The following SLC26A4 variants were observed in gnomAD, a reference collection of about 807,000 sequenced individuals.
SLC26A4 encodes solute carrier family 26 member 4.
A neutral mutation model predicts 90.4 loss-of-function variants in SLC26A4; 93 were observed. That is an observed-to-expected ratio of 1.03 (90% CI 0.87 to 1.22). The LOEUF (loss-of-function observed/expected upper bound fraction) is 1.22. SLC26A4 is among the 50% of genes most tolerant of loss of function. The pLI is 0.00. For missense variants in SLC26A4, 1,127 were observed against 946.2 expected, an observed-to-expected ratio of 1.19 and a Z score of -2.51; for synonymous variants, 393 against 354.6, an observed-to-expected ratio of 1.11 and a Z score of -1.22.
At chr7:107,693,767 C>T (rs907068221) in intron 10 of SLC26A4, 1 of 972,712 alleles carries the variant, frequency 1.0e-6, no homozygotes, top group Admixed American at 5.2e-5. Flanking sequence ...TTTCAGGCTG[C>T]CTTGGGGCAA....
intron 18 of SLC26A4, among the ~76,000 whole-genome samples, chr7:107,709,146 C>T (rs1466527645): frequency 6.6e-6 from 1 of 152,166 alleles, no homozygotes; most frequent in Non-Finnish European, 1.5e-5. Flanking sequence ...ACAGGGAGCA[C>T]CACCACAGGA....
chr7:107,717,013 C>T lies in SLC26A4; in HGVS notation c.*1567C>T, dbSNP rs1037445530. On this transcript the variant is annotated 3_prime_UTR_variant, in exon 21 of 21. Coordinates refer to ENST00000644269, the MANE Select transcript of SLC26A4 (RefSeq NM_000441.2). The stretch of plus-strand genomic sequence containing the variant: ...AGCATAACTAGGATTATAATGCTGC[C>T]TCATTTTCACAGCACTACTTGCTTA... The T allele has an allele frequency of 2.0e-5, 3 of 152,078 alleles. No individual in the cohort carries two copies. The highest frequency in any genetic ancestry group is 4.4e-5 in the Non-Finnish European group (3 of 68,022). The allele number at this position is 152,078 out of a possible 1,614,324, so 9.4% of individuals were successfully genotyped here.
chr7:107,661,661 G>A lies in SLC26A4; in HGVS notation c.20G>A (p.Arg7Lys), dbSNP rs560264653. ...CAGGTCATGGCAGCGCCAGGCGGCAGGTCGGAGCCGCCGCAGCTCCCCGAG... is the reference window on the plus strand; with the variant it reads ...CAGGTCATGGCAGCGCCAGGCGGCAAGTCGGAGCCGCCGCAGCTCCCCGAG... MAAPGGRSEPPQLPEYS... is the reference protein window; with the variant it reads MAAPGGKSEPPQLPEYS... The change falls in exon 2 of 21, where the codon AGG becomes AAG. Residue 7 changes from arginine to lysine, a missense_variant. Transcript: ENST00000644269. The surrounding 1 kb of genome is among the most constrained non-coding windows in gnomAD (Gnocchi z 5.1). 1.4e-5 allele frequency: 22 copies of A among 1,568,370 alleles called. 1 individual carries two copies. Among genetic ancestry groups the A allele is most frequent in the Non-Finnish European group, 3.4e-6 (4 of 1,162,606 alleles).
At chr7:107,695,032 A>G (rs533536404) in intron 12 of SLC26A4, among the ~76,000 whole-genome samples, 2 of 152,342 alleles carry the variant, frequency 1.3e-5, no homozygotes, top group African/African-American at 4.8e-5. Flanking sequence ...CAAACAACAT[A>G]CAAAACAATG....
rs1453000207 is a variant in SLC26A4 at position 107,661,964 on chromosome 7, C to T, written c.164+159C>T. 1.3e-6 allele frequency: 1 copy of T among 748,710 alleles called. No individual in the cohort carries two copies. Among genetic ancestry groups the T allele is most frequent in the African/African-American group, 1.8e-5 (1 of 55,926 alleles). 46.4% of individuals were successfully genotyped at this position (748,710 alleles called of 1,614,324 possible). On this transcript the variant is annotated intron_variant, in intron 2 of 20. Coordinates refer to ENST00000644269, the MANE Select transcript of SLC26A4 (RefSeq NM_000441.2). This position sits in a 1 kb window ranked among gnomAD's most constrained non-coding sequence, Gnocchi z 5.1. ...GGCCCGACTTTCGGTCTCCGGTCCT[C>T]CACGCCGCCCTTCTGGTGGGAGGGT...
chr7:107,710,313 C>T (rs1159448075), intron 19 of SLC26A4, 114 bp downstream of exon 19: 1 of 776,030 alleles, frequency 1.3e-6, no homozygotes, highest in Non-Finnish European at 2.2e-6. Context: ...ACCTATATAA[C>T]TTCATGGAGC....
intron 10 of SLC26A4, chr7:107,693,220 C>T (rs763921285): frequency 9.7e-6 from 8 of 827,214 alleles, no homozygotes; most frequent in Non-Finnish European, 1.0e-5. Context: ...TCTGCTTAGT[C>T]AGGAGAAGGG....
intron 18 of SLC26A4, 35 bp from the exon 19 acceptor site, chr7:107,710,019 A>C (rs201072499): frequency 6.3e-7 from 1 of 1,597,698 alleles, no homozygotes; most frequent in African/African-American, 1.3e-5. Context: ...TTCTTTTCCT[A>C]GGAACTAACA....
chr7:107,712,499 T>C, intron 19 of SLC26A4, 40 bp from the exon 20 acceptor site: 2 of 1,015,856 alleles, frequency 2.0e-6, no homozygotes, highest in Non-Finnish European at 3.2e-6. Flanking sequence ...TCAGGTGGGT[T>C]GATGCTATTC....
intron 6 of SLC26A4, among the ~76,000 whole-genome samples, 176 bp downstream of exon 6, chr7:107,675,285 T>TAAA (rs60022317): frequency 1.8e-4 from 17 of 96,710 alleles, no homozygotes; most frequent in Non-Finnish European, 2.0e-4. Context: ...CCTCATCTCT[T>TAAA]AAAAAAAAAA....
rs748353957 is a variant in SLC26A4, at chr7:107,710,199, G to C, written c.2235G>C (p.Thr745=). Residue 745 remains threonine (T), a splice_region_variant and synonymous_variant, in exon 19 of 21, where the codon ACG becomes ACC. Transcript: ENST00000644269. The stretch of plus-strand genomic sequence containing the variant: ...AGGGTCAAGGTTCCATTTTAGAAAC[G>C]GTAAATATTCAACCTTTCTACAGAT... The part of the protein sequence containing the change: ...SQEGQGSILE[T]ITLIQDCKDT... The C allele has an allele frequency of 6.3e-7, 1 of 1,589,984 alleles. No individual in the cohort carries two copies. Among genetic ancestry groups the C allele is most frequent in the Non-Finnish European group, 8.6e-7 (1 of 1,158,398 alleles).
chr7:107,713,488 T>A (rs992301713), intron 20 of SLC26A4, among the ~76,000 whole-genome samples: 1 of 152,202 alleles, frequency 6.6e-6, no homozygotes, highest in Non-Finnish European at 1.5e-5. Flanking sequence ...CTTCAAATAT[T>A]TGAGAATAGT....
chr7:107,698,330 T>G (rs76595172), intron 14 of SLC26A4, among the ~76,000 whole-genome samples: 10 of 152,098 alleles, frequency 6.6e-5, no homozygotes, highest in South Asian at 2.1e-4. Context: ...TTTTTTTTTT[T>G]TCTTTTTAGA....
At chr7:107,676,800 A>G (rs1056648016) in intron 6 of SLC26A4, among the ~76,000 whole-genome samples, 2 of 152,174 alleles carry the variant, frequency 1.3e-5, no homozygotes, top group East Asian at 1.9e-4. Context: ...CCATTCAACA[A>G]ATATTACCAA....
Position 107,715,237 on chromosome 7 carries a change from C to CA in SLC26A4, c.2320-172dup, listed in dbSNP as rs369432913. Among the ~76,000 whole-genome samples, 843 of 104,294 alleles carry CA rather than the reference C, an allele frequency of 8.1e-3. 11 individuals carry two copies. The highest frequency in any genetic ancestry group is 0.023 in the African/African-American group (699 of 30,422). 68.4% of individuals were successfully genotyped at this position (104,294 alleles called of 152,430 possible). Reference sequence around the variant, plus strand: ...GCAACAGTGAGTGAGATTCAGTCTCCAAAAAAAAAAAAAAGTATAATGAAT... The same window carrying CA: ...GCAACAGTGAGTGAGATTCAGTCTCCAAAAAAAAAAAAAAAGTATAATGAAT... On this transcript the variant is annotated intron_variant, in intron 20 of 20. Transcript: ENST00000644269.
At chr7:107,701,331 C>A (rs1791879820) in intron 16 of SLC26A4, 135 bp downstream of exon 16, 2 of 689,536 alleles carry the variant, frequency 2.9e-6, no homozygotes. Flanking sequence ...TATCAAAGAA[C>A]AACTGAGCTA....
Position 107,669,158 on chromosome 7 carries a change from A to G in SLC26A4, c.305-2980A>G, listed in dbSNP as rs1790796168. Among the ~76,000 whole-genome samples the G allele has an allele frequency of 2.0e-5, 3 of 151,976 alleles. No homozygotes were observed. The South Asian group carries it at 6.2e-4, about 32-fold the overall frequency. On this transcript the variant is annotated intron_variant, in intron 3 of 20. Coordinates refer to ENST00000644269, the MANE Select transcript of SLC26A4 (RefSeq NM_000441.2). ...TTTTTAGTAGAGACGAGATTTCACC[A>G]TGTTGGCCGGGCTGGTCTTGAACTC... is the stretch of plus-strand genomic sequence containing the variant.
At chr7:107,713,302 A>G (rs1792243590) in intron 20 of SLC26A4, among the ~76,000 whole-genome samples, 1 of 152,262 alleles carries the variant, frequency 6.6e-6, no homozygotes. Context: ...TTCAGCTTTT[A>G]TGTGAACATT....
rs1310822881 is a variant in SLC26A4, at chr7:107,683,485, G to A, written c.949G>A (p.Ala317Thr). ...AATTGCTACTGCCATTTCATATGGA[G>A]CCAACCTGGAAAAAAATTACAATGC... Reference protein sequence around the residue: ...TIIATAISYGANLEKNYNAGI... With the variant: ...TIIATAISYGTNLEKNYNAGI... The change falls in exon 8 of 21, where the codon GCC becomes ACC. Residue 317 changes from alanine (A) to threonine (T), a missense_variant. Physicochemically the swap from Ala to Thr is moderately conservative, Grantham distance 58 (BLOSUM62 0). Coordinates refer to ENST00000644269, the MANE Select transcript of SLC26A4 (RefSeq NM_000441.2). 6.2e-7 allele frequency: 1 copy of A among 1,613,882 alleles called. No homozygotes were observed.
Sources: gnomAD v4.1 joint callset for allele counts (sites outside exome capture counted in the v4.1 genomes callset) on GRCh38, gnomAD v4.1.1 for gene constraint, Gnocchi (gnomAD v3.1) non-coding constraint, MANE v1.5 for transcripts, NCBI Gene and HGNC (gene_info 2026-07-23, HGNC 2026-07-21) for gene names.